CCDC186: variants seen among roughly 807,000 people sequenced by gnomAD.
CCDC186 encodes the protein coiled-coil domain containing 186.
A neutral mutation model predicts 113.7 loss-of-function variants in CCDC186; 49 were observed. The ratio of observed to expected loss-of-function variants is 0.43; its 90% CI spans 0.34 to 0.55. The LOEUF is 0.55. Among genes scored for constraint, CCDC186 ranks in the 20% least tolerant of loss-of-function variants. The pLI, the probability that CCDC186 is intolerant of heterozygous loss-of-function variation, is 0.02. For synonymous variants in CCDC186, 355 were observed against 345.8 expected (o/e 1.03, Z -0.30); for missense variants, 890 against 1,011.1 (o/e 0.88, Z 1.62).
chr10:114,138,732 A>C (rs1455775803), intron 6 of CCDC186, among the ~76,000 whole-genome samples: 1 of 151,984 alleles, frequency 6.6e-6, no homozygotes, highest in Non-Finnish European at 1.5e-5. Context: ...TCCTGTTTCC[A>C]TTACAGGACA....
intron 3 of CCDC186, among the ~76,000 whole-genome samples, chr10:114,152,112 G>C (rs1178701870): frequency 1.3e-5 from 2 of 152,156 alleles, no homozygotes; most frequent in Non-Finnish European, 2.9e-5. Context: ...AAGCTGAGGA[G>C]AGGGAATTGC....
chr10:114,125,378 G>A (rs543223945), intron 15 of CCDC186, 152 bp from the exon 16 acceptor site: 27 of 570,358 alleles, frequency 4.7e-5, no homozygotes, highest in Non-Finnish European at 8.2e-5. Context: ...ACACACAGCT[G>A]TTTTCAGTAA....
chr10:114,156,366 T>TC (rs1436638516), intron 3 of CCDC186, among the ~76,000 whole-genome samples: 6 of 152,230 alleles, frequency 3.9e-5, no homozygotes, highest in African/African-American at 1.4e-4. Context: ...AAAGAGCAAC[T>TC]CAGCTTTCCT....
At chr10:114,165,849 C>CAAAA (rs56143525) in intron 1 of CCDC186, 46 of 694,798 alleles carry the variant, frequency 6.6e-5, no homozygotes, top group East Asian at 1.4e-4. Flanking sequence ...CACTTTGTCT[C>CAAAA]AAAAAAAAAA....
intron 1 of CCDC186, among the ~76,000 whole-genome samples, chr10:114,168,651 C>T (rs944567502): frequency 3.7e-4 from 56 of 152,268 alleles, no homozygotes; most frequent in African/African-American, 1.3e-3. Context: ...CCCAACCAAT[C>T]AGCATTCCCC....
At chr10:114,155,480 G>T (rs973271741) in intron 3 of CCDC186, among the ~76,000 whole-genome samples, 8 of 152,112 alleles carry the variant, frequency 5.3e-5, no homozygotes. Flanking sequence ...TTCAAGACTG[G>T]CCTGGCTAAC....
Position 114,130,242 on chromosome 10 carries a change from AG to A in CCDC186, c.2102-272del, listed in dbSNP as rs1319273643. On this transcript the variant is annotated intron_variant, in intron 12 of 15. Coordinates refer to ENST00000369287, the MANE Select transcript of CCDC186 (RefSeq NM_018017.4). Reference sequence around the variant, plus strand: ...AACTTTTTAAAGTATTGAAAGATTTAGAAGTTCCTTACAGTACCAGAAATTT... The same window carrying A: ...AACTTTTTAAAGTATTGAAAGATTTAAAGTTCCTTACAGTACCAGAAATTT... 7 of 232,904 alleles carry A rather than the reference AG, an allele frequency of 3.0e-5. 1 individual carries two copies. In the South Asian group the frequency reaches 4.4e-4, roughly 15 times the overall value. 14.4% of individuals were successfully genotyped at this position (232,904 alleles called of 1,614,324 possible). A position where few individuals can be genotyped will look rare whatever the true frequency, so the allele number is the denominator to read the frequency against.
chr10:114,121,869 G>C lies in CCDC186; in HGVS notation c.*3274C>G, dbSNP rs1310543503. 1 of 152,088 alleles carries C rather than the reference G, an allele frequency of 6.6e-6. No individual in the cohort carries two copies. The highest frequency in any genetic ancestry group is 2.4e-5 in the African/African-American group (1 of 41,376). The allele number at this position is 152,088 out of a possible 1,614,324, so 9.4% of individuals were successfully genotyped here. ...CACCCAGGCTGGAGTATAGAGTACA[G>C]TGGCAATCATAGCTCACTGCAAGCT... On this transcript the variant is annotated 3_prime_UTR_variant, in exon 16 of 16. Coordinates refer to ENST00000369287, the MANE Select transcript of CCDC186 (RefSeq NM_018017.4).
chr10:114,162,896 A>C lies in CCDC186; in HGVS notation c.373T>G (p.Ser125Ala). ...VTQILVELRSSTFPESANEKT... is the reference protein window; with the variant it reads ...VTQILVELRSATFPESANEKT... The stretch of plus-strand genomic sequence containing the variant: ...TCATTAGCTGATTCTGGAAATGTAG[A>C]TGACCTTAATTCCACCAATATTTGT... The change falls in exon 2 of 16, where the codon TCT (serine) becomes GCT (alanine). Residue 125 changes from serine (S) to alanine (A), a missense_variant. Physicochemically the swap from Ser to Ala is moderately conservative, Grantham distance 99. Coordinates refer to ENST00000369287, the MANE Select transcript of CCDC186 (RefSeq NM_018017.4). The C allele has an allele frequency of 1.9e-6, 3 of 1,613,994 alleles. No individual in the cohort carries two copies. The highest frequency in any genetic ancestry group is 2.5e-6 in the Non-Finnish European group (3 of 1,179,936).
intron 6 of CCDC186, among the ~76,000 whole-genome samples, chr10:114,141,118 C>T (rs900647299): frequency 1.3e-4 from 20 of 152,032 alleles, no homozygotes; most frequent in African/African-American, 4.8e-4. Flanking sequence ...TGGTCTCAAA[C>T]TCCTGACCTC....
intron 2 of CCDC186, among the ~76,000 whole-genome samples, chr10:114,158,456 C>T (rs975729905): frequency 2.6e-5 from 4 of 152,016 alleles, no homozygotes; most frequent in Non-Finnish European, 1.5e-5. Flanking sequence ...TGCACACTTG[C>T]TATTGGCTAA....
rs552595316 is a variant in CCDC186, at chr10:114,151,013, G to T, written c.888+79C>A. ...TAATACAATAGTGAGGTCCAAAATA[G>T]TCTAACAGTGTTAGCTTATTTTAAC... On this transcript the variant is annotated intron_variant, in intron 4 of 15. Coordinates refer to ENST00000369287, the MANE Select transcript of CCDC186 (RefSeq NM_018017.4). The T allele has an allele frequency of 6.8e-5, 103 of 1,513,048 alleles. 1 individual carries two copies. In the African/African-American group the frequency reaches 1.3e-3, roughly 19 times the overall value. The allele number at this position is 1,513,048 out of a possible 1,614,324, so 93.7% of individuals were successfully genotyped here. A position where few individuals can be genotyped will look rare whatever the true frequency, so the allele number is the denominator to read the frequency against.
chr10:114,160,247 G>A (rs2032131320), intron 2 of CCDC186, among the ~76,000 whole-genome samples: 1 of 150,524 alleles, frequency 6.6e-6, no homozygotes, highest in South Asian at 2.1e-4. Context: ...TCCAGCCTGT[G>A]TGACACAGCA....
intron 1 of CCDC186, among the ~76,000 whole-genome samples, chr10:114,171,160 T>G (rs1217679074): frequency 6.6e-6 from 1 of 152,110 alleles, no homozygotes; most frequent in Non-Finnish European, 1.5e-5. Flanking sequence ...AAAAGTATTA[T>G]CAGCTAATTT....
chr10:114,135,397 G>C (rs766104588), intron 9 of CCDC186, among the ~76,000 whole-genome samples: 4 of 152,040 alleles, frequency 2.6e-5, no homozygotes, highest in Admixed American at 6.6e-5. Context: ...GTGGTTAAAG[G>C]ACTACTTCTA....
Position 114,145,562 on chromosome 10 carries a change from A to G in CCDC186, c.1088T>C (p.Leu363Pro). 6.2e-7 allele frequency: 1 copy of G among 1,607,598 alleles called. No individual in the cohort carries two copies. The highest frequency in any genetic ancestry group is 8.5e-7 in the Non-Finnish European group (1 of 1,178,854). ...LSQEKGRLHQ[L>P]YETKEGETTR... ...CACAAGTTATACCTTAGTTTCATACAGCTGGTGCAACCGTCCTTTCTCCTG... is the reference window on the plus strand; with the variant it reads ...CACAAGTTATACCTTAGTTTCATACGGCTGGTGCAACCGTCCTTTCTCCTG... Residue 363 changes from leucine to proline, a missense_variant, in exon 5 of 16, where the codon CTG becomes CCG. Coordinates refer to ENST00000369287, the MANE Select transcript of CCDC186 (RefSeq NM_018017.4).
chr10:114,164,065 A>AGTAT (rs2032254896), intron 1 of CCDC186, among the ~76,000 whole-genome samples: 1 of 107,032 alleles, frequency 9.3e-6, no homozygotes, highest in East Asian at 2.5e-4. Flanking sequence ...ACCAAGTTAG[A>AGTAT]GTGTGTGTGT....
Position 114,135,841 on chromosome 10 carries a change from A to T in CCDC186, c.1512+50T>A, listed in dbSNP as rs753509599. 3 of 1,384,392 alleles carry T rather than the reference A, an allele frequency of 2.2e-6. No individual in the cohort carries two copies. In the Admixed American group the frequency reaches 5.7e-5, roughly 26 times the overall value. The allele number at this position is 1,384,392 out of a possible 1,614,324, so 85.8% of individuals were successfully genotyped here. On this transcript the variant is annotated intron_variant, in intron 9 of 15. Coordinates refer to ENST00000369287, the MANE Select transcript of CCDC186 (RefSeq NM_018017.4). ...CTTTAAAAATCAGAATGAATTCAAA[A>T]TTTAAGATATTTACCCTTCCTCTGG... is the stretch of plus-strand genomic sequence containing the variant.
intron 5 of CCDC186, among the ~76,000 whole-genome samples, 176 bp downstream of exon 5, chr10:114,145,373 A>T (rs1025772708): frequency 6.6e-6 from 1 of 152,166 alleles, no homozygotes; most frequent in Non-Finnish European, 1.5e-5. Flanking sequence ...TCTGCAGACA[A>T]GTAATAGAAC....
Sources: gnomAD v4.1 joint callset for allele counts (sites outside exome capture counted in the v4.1 genomes callset) on GRCh38, gnomAD v4.1.1 for gene constraint, MANE v1.5 for transcripts, NCBI Gene and HGNC (gene_info 2026-07-23, HGNC 2026-07-21) for gene names.